COG5: variants seen among roughly 807,000 people sequenced by gnomAD.
COG5 encodes the protein conserved oligomeric Golgi complex subunit 5.
COG5 carries 86 observed loss-of-function variants against 110.4 expected under a neutral mutation model. The ratio of observed to expected loss-of-function variants is 0.78; its 90% CI spans 0.65 to 0.93. The LOEUF is 0.93. Among genes scored for constraint, COG5 ranks in the 40% least tolerant of loss-of-function variants. The probability of loss-of-function intolerance (pLI) is 0.00; values close to 1 mark genes in which losing one functional copy is unlikely to be tolerated. For synonymous variants in COG5, 360 were observed against 334.6 expected, an observed-to-expected ratio of 1.08 and a Z score of -0.83; for missense variants, 1,077 against 987.0, an observed-to-expected ratio of 1.09 and a Z score of -1.22.
intron 6 of COG5, among the ~76,000 whole-genome samples, chr7:107,424,520 T>C (rs74529608): frequency 6.6e-6 from 1 of 151,190 alleles, no homozygotes; most frequent in Admixed American, 6.6e-5. Context: ...TTTTTTTTTT[T>C]GAAAAAAAGA....
intron 11 of COG5, among the ~76,000 whole-genome samples, chr7:107,321,731 A>G (rs531150597): frequency 1.3e-5 from 2 of 152,352 alleles, no homozygotes; most frequent in South Asian, 4.1e-4. Context: ...AACTCATAAC[A>G]TACACGAAAA....
chr7:107,389,560 T>C (rs963357918), intron 7 of COG5, among the ~76,000 whole-genome samples: 4 of 152,174 alleles, frequency 2.6e-5, no homozygotes, highest in African/African-American at 9.7e-5. Context: ...AGGACAAAGC[T>C]GGGAAAGTAA....
intron 6 of COG5, among the ~76,000 whole-genome samples, chr7:107,515,578 C>T (rs1355041651): frequency 3.3e-5 from 5 of 152,096 alleles, no homozygotes; most frequent in African/African-American, 1.2e-4. Context: ...TCCTGTGAAT[C>T]CCATATTCCA....
intron 5 of COG5, among the ~76,000 whole-genome samples, chr7:107,532,772 GAAAA>G (rs1322365590): frequency 1.3e-5 from 2 of 152,080 alleles, no homozygotes; most frequent in African/African-American, 4.8e-5. Context: ...ACAATACACA[GAAAA>G]TACCTGAGCA....
At chr7:107,365,810 A>C (rs531053502) in intron 8 of COG5, among the ~76,000 whole-genome samples, 1 of 152,142 alleles carries the variant, frequency 6.6e-6, no homozygotes, top group African/African-American at 2.4e-5. Flanking sequence ...GAATGATGCA[A>C]ATTTTGAGAA....
At chr7:107,308,362 C>G (rs1433461083) in intron 11 of COG5, among the ~76,000 whole-genome samples, 1 of 152,150 alleles carries the variant, frequency 6.6e-6, no homozygotes, top group Non-Finnish European at 1.5e-5. Context: ...CCAAGTGATT[C>G]TAAAGAGCAA....
At chr7:107,285,268 T>A (rs773294131) in intron 12 of COG5, among the ~76,000 whole-genome samples, 2 of 152,172 alleles carry the variant, frequency 1.3e-5, no homozygotes, top group African/African-American at 2.4e-5. Flanking sequence ...TCTAAATGTG[T>A]CTGAAGCAAT....
intron 19 of COG5, among the ~76,000 whole-genome samples, chr7:107,218,844 A>G (rs1332152489): frequency 6.6e-6 from 1 of 152,116 alleles, no homozygotes; most frequent in Non-Finnish European, 1.5e-5. Context: ...CTGAGACAAT[A>G]AAAGAAAAAA....
intron 6 of COG5, among the ~76,000 whole-genome samples, chr7:107,435,508 C>G (rs1009092878): frequency 1.3e-5 from 2 of 152,118 alleles, no homozygotes; most frequent in East Asian, 3.9e-4. Flanking sequence ...CAAAAATTAG[C>G]TGGGTGTGGT....
intron 7 of COG5, among the ~76,000 whole-genome samples, chr7:107,409,822 G>C (rs959879444): frequency 6.6e-6 from 1 of 152,184 alleles, no homozygotes; most frequent in Admixed American, 6.5e-5. Context: ...GATTTTCCTT[G>C]TAAGGAGTGT....
At chr7:107,208,898 G>A in intron 21 of COG5, 2 of 985,438 alleles carry the variant, frequency 2.0e-6, no homozygotes, top group Non-Finnish European at 2.4e-6. Context: ...CATCCTAACT[G>A]AAATATGACC....
chr7:107,210,292 G>A, intron 21 of COG5: 1 of 1,414,944 alleles, frequency 7.1e-7, no homozygotes, highest in Non-Finnish European at 9.2e-7. Context: ...TGGGACACAG[G>A]ATTGCACATC....
chr7:107,369,536 G>A (rs781336660), intron 8 of COG5, among the ~76,000 whole-genome samples: 5 of 151,796 alleles, frequency 3.3e-5, no homozygotes, highest in African/African-American at 7.3e-5. Context: ...ACAGGCATGC[G>A]CCACCACGCC....
In COG5 at chr7:107,476,183, T is replaced by TAAAAAAAAAAAAAAAA. The variant is rs1563056700; in HGVS notation, c.538+51053_538+51054insTTTTTTTTTTTTTTTT. Among the ~76,000 whole-genome samples, 247 of 86,026 alleles carry TAAAAAAAAAAAAAAAA rather than the reference T, an allele frequency of 2.9e-3. 5 individuals carry two copies. Among genetic ancestry groups the TAAAAAAAAAAAAAAAA allele is most frequent in the East Asian group, 4.9e-3 (13 of 2,664 alleles). 56.4% of individuals were successfully genotyped at this position (86,026 alleles called of 152,430 possible). ...TCTGGATTAATATAGTGCAATGATT[T>TAAAAAAAAAAAAAAAA]TAAAAAAAAAAAAAAAAAAAAAAAG... On this transcript the variant is annotated intron_variant, in intron 6 of 21. Coordinates refer to ENST00000297135, the MANE Select transcript of COG5 (RefSeq NM_006348.5).
chr7:107,280,401 C>T (rs1805069960), intron 14 of COG5, among the ~76,000 whole-genome samples: 1 of 152,054 alleles, frequency 6.6e-6, no homozygotes, highest in Non-Finnish European at 1.5e-5. Flanking sequence ...GTAAATCCTT[C>T]AGTATGTCAC....
chr7:107,306,413 T>G (rs879401069), intron 11 of COG5, among the ~76,000 whole-genome samples: 7 of 152,174 alleles, frequency 4.6e-5, no homozygotes, highest in Non-Finnish European at 8.8e-5. Flanking sequence ...GTAATTTTCT[T>G]TAATTATAGT....
At chr7:107,379,337 C>T (rs773536644) in intron 7 of COG5, among the ~76,000 whole-genome samples, 3 of 152,068 alleles carry the variant, frequency 2.0e-5, no homozygotes, top group African/African-American at 7.2e-5. Context: ...GTGAAGACCA[C>T]GGACACTATG....
At chr7:107,508,444 C>T (rs1799209931) in intron 6 of COG5, among the ~76,000 whole-genome samples, 2 of 152,354 alleles carry the variant, frequency 1.3e-5, no homozygotes, top group South Asian at 4.1e-4. Flanking sequence ...GTAGGCTCCA[C>T]CTCTGGGGGC....
intron 8 of COG5, among the ~76,000 whole-genome samples, chr7:107,364,835 T>A (rs1176155886): frequency 1.3e-5 from 2 of 152,186 alleles, no homozygotes; most frequent in Admixed American, 6.5e-5. Context: ...ATGAGAAAGA[T>A]GTTGGCTTAA....
Sources: allele counts gnomAD v4.1 joint callset (sites outside exome capture counted in the v4.1 genomes callset), GRCh38; gene constraint gnomAD v4.1.1; transcripts MANE v1.5; gene names NCBI Gene and HGNC (gene_info 2026-07-23, HGNC 2026-07-21).